The following WASL variants were observed in gnomAD, a reference collection of about 807,000 sequenced individuals.
WASL encodes actin nucleation-promoting factor WASL.
WASL carries 20 observed loss-of-function variants against 55.5 expected under a neutral mutation model. The observed-to-expected ratio is 0.36, with a 90% CI of 0.25 to 0.52. The LOEUF (loss-of-function observed/expected upper bound fraction) is 0.52. Ranked by LOEUF, WASL falls within the 20% of genes least tolerant of loss-of-function variation. The pLI is 0.92. For missense variants in WASL, 504 were observed against 622.5 expected, an observed-to-expected ratio of 0.81 and a Z score of 2.03; for synonymous variants, 249 against 217.6, an observed-to-expected ratio of 1.14 and a Z score of -1.27.
At chr7:123,688,905 G>GTA in intron 10 of WASL, 137 bp downstream of exon 10, 2 of 790,360 alleles carry the variant, frequency 2.5e-6, no homozygotes, top group Non-Finnish European at 4.2e-6. Context: ...GCCCACATCA[G>GTA]TAGTTACTCA....
Position 123,716,002 on chromosome 7 carries a change from T to C in WASL, c.118-6779A>G, listed in dbSNP as rs200603065. On this transcript the variant is annotated intron_variant, in intron 1 of 10. Transcript: ENST00000223023. ...GACACTGTGTTAAAAGGGCAGCTCA[T>C]AGGTGCGGCTGGTTCTCTTCTGCCC... is the stretch of plus-strand genomic sequence containing the variant. 2.6e-5 allele frequency among the ~76,000 whole-genome samples: 4 copies of C among 152,260 alleles called. No individual in the cohort carries two copies. The East Asian group carries it at 5.8e-4, about 22-fold the overall frequency.
chr7:123,684,691 C>T, intron 10 of WASL, 111 bp from the exon 11 acceptor site: 2 of 998,670 alleles, frequency 2.0e-6, no homozygotes, highest in Non-Finnish European at 2.6e-6. Context: ...AATGTGACTC[C>T]CAGAAGAATC....
At chr7:123,739,920 A>G (rs968846910) in intron 1 of WASL, among the ~76,000 whole-genome samples, 58 of 140,872 alleles carry the variant, frequency 4.1e-4, no homozygotes, top group Admixed American at 2.2e-3. Context: ...GTGTGTATAT[A>G]TATATATATA....
intron 10 of WASL, among the ~76,000 whole-genome samples, chr7:123,688,018 A>G (rs1197199728): frequency 6.6e-6 from 1 of 152,230 alleles, no homozygotes; most frequent in Non-Finnish European, 1.5e-5. Flanking sequence ...GTAACAAACA[A>G]GAAACTGAGG....
intron 1 of WASL, among the ~76,000 whole-genome samples, chr7:123,737,647 ATAAATGGTG>A (rs888633428): frequency 6.6e-6 from 1 of 151,706 alleles, no homozygotes; most frequent in Non-Finnish European, 1.5e-5. Flanking sequence ...AAATTGCTCA[ATAAATGGTG>A]TTGGGACAAC....
At chr7:123,723,315 A>G (rs1803984511) in intron 1 of WASL, among the ~76,000 whole-genome samples, 1 of 152,210 alleles carries the variant, frequency 6.6e-6, no homozygotes, top group African/African-American at 2.4e-5. Flanking sequence ...ATCTGAAAAA[A>G]GCCCAGGCTT....
At chr7:123,742,522 A>C (rs541930074) in intron 1 of WASL, among the ~76,000 whole-genome samples, 13 of 152,322 alleles carry the variant, frequency 8.5e-5, no homozygotes, top group African/African-American at 3.1e-4. Context: ...TAATATTGGA[A>C]AATAAGCAGT....
intron 1 of WASL, among the ~76,000 whole-genome samples, chr7:123,743,336 CA>C (rs35592197): frequency 3.7e-3 from 398 of 106,200 alleles, no homozygotes; most frequent in South Asian, 7.9e-3. Flanking sequence ...GACTCTGTCT[CA>C]AAAAAAAAAA....
intron 1 of WASL, among the ~76,000 whole-genome samples, chr7:123,728,010 A>C (rs1405715757): frequency 6.6e-6 from 1 of 152,152 alleles, no homozygotes. Context: ...AATGTACCTC[A>C]CTTTACAAGG....
intron 9 of WASL, among the ~76,000 whole-genome samples, chr7:123,691,761 A>G (rs927145949): frequency 3.3e-5 from 5 of 152,240 alleles, no homozygotes; most frequent in Admixed American, 2.6e-4. Context: ...AAATTCTATT[A>G]CAACTCTTTC....
intron 9 of WASL, among the ~76,000 whole-genome samples, chr7:123,689,783 GAAA>G (rs67543108): frequency 4.7e-5 from 7 of 148,800 alleles, no homozygotes; most frequent in African/African-American, 1.5e-4. Flanking sequence ...GTGCATTCAT[GAAA>G]AAAAAAATTA....
chr7:123,711,888 TGTATCAAC>T, intron 1 of WASL, among the ~76,000 whole-genome samples: 1 of 152,206 alleles, frequency 6.6e-6, no homozygotes, highest in East Asian at 1.9e-4. Flanking sequence ...AAAAAAGTAC[TGTATCAAC>T]TTTGGTAGAA....
chr7:123,718,078 A>G (rs1221309866), intron 1 of WASL, among the ~76,000 whole-genome samples: 2 of 137,340 alleles, frequency 1.5e-5, no homozygotes, highest in East Asian at 4.6e-4. Flanking sequence ...CCAAATAGGT[A>G]TAATATATTG....
At chr7:123,686,700 CCTTT>C (rs760800183) in intron 10 of WASL, among the ~76,000 whole-genome samples, 22 of 152,154 alleles carry the variant, frequency 1.4e-4, no homozygotes, top group South Asian at 1.2e-3. Context: ...TGAATGAAGA[CCTTT>C]CTTTATCTCT....
chr7:123,732,765 A>G (rs923144178), intron 1 of WASL, among the ~76,000 whole-genome samples: 1 of 152,360 alleles, frequency 6.6e-6, no homozygotes, highest in African/African-American at 2.4e-5. Flanking sequence ...ACTATCTCTC[A>G]TGAACAAAGA....
chr7:123,695,223 G>C (rs542891778), intron 7 of WASL, among the ~76,000 whole-genome samples: 1 of 152,164 alleles, frequency 6.6e-6, no homozygotes, highest in South Asian at 2.1e-4. Context: ...TGAGAGCAAG[G>C]ATCTTCCTGT....
At position 123,694,190 on chromosome 7, in the gene WASL, T is replaced by A. The variant is rs139182916; in HGVS notation, c.826+525A>T. ...TATCTGCATTTTACTGCAATAATTATTAAGACAAAACTGAAATACGAGGTC... is the reference window on the plus strand; with the variant it reads ...TATCTGCATTTTACTGCAATAATTAATAAGACAAAACTGAAATACGAGGTC... On this transcript the variant is annotated intron_variant, in intron 8 of 10. Coordinates refer to ENST00000223023, the MANE Select transcript of WASL (RefSeq NM_003941.4). 3.3e-3 allele frequency among the ~76,000 whole-genome samples: 510 copies of A among 152,298 alleles called. 3 individuals are homozygous for A. Among genetic ancestry groups the A allele is most frequent in the African/African-American group, 0.012 (497 of 41,570 alleles).
intron 4 of WASL, among the ~76,000 whole-genome samples, chr7:123,705,292 TG>T (rs945799182): frequency 6.6e-6 from 1 of 152,108 alleles, no homozygotes; most frequent in African/African-American, 2.4e-5. Context: ...AGGGATAAGA[TG>T]GAACAAATGC....
In WASL at chr7:123,748,598, C is replaced by G. The variant is rs1320070306; in HGVS notation, c.117+20G>C. 19 of 1,611,534 alleles carry G rather than the reference C, an allele frequency of 1.2e-5. No homozygotes were observed. Among genetic ancestry groups the G allele is most frequent in the Non-Finnish European group, 1.4e-5 (17 of 1,178,336 alleles). On this transcript the variant is annotated intron_variant, in intron 1 of 10. Transcript: ENST00000223023. The stretch of plus-strand genomic sequence containing the variant: ...CGTGAGGTAATGTCACGGGTGGCGA[C>G]GCGGGTCTCGTCCACTGACCACACA...
Sources: allele counts gnomAD v4.1 joint callset (sites outside exome capture counted in the v4.1 genomes callset), GRCh38; gene constraint gnomAD v4.1.1; transcripts MANE v1.5; gene names NCBI Gene and HGNC (gene_info 2026-07-23, HGNC 2026-07-21).